The following PLAC1 variants were observed in gnomAD, a reference collection of about 807,000 sequenced individuals.
PLAC1 encodes placenta-specific protein 1.
For synonymous variants in PLAC1, 68 were observed against 62.1 expected (o/e 1.09, Z -0.44); for missense variants, 136 against 163.2 (o/e 0.83, Z 0.91).
intron 1 of PLAC1, among the ~76,000 whole-genome samples, chrX:134,610,901 C>T (rs775452098): frequency 1.8e-5 from 2 of 111,825 alleles, no homozygotes; most frequent in East Asian, 5.6e-4. Context: ...GATCAAGGCT[C>T]ATGCAAACCT....
chrX:134,663,300 T>C (rs2147806839), upstream of PLAC1, among the ~76,000 whole-genome samples: 1 of 113,076 alleles, frequency 8.8e-6, no homozygotes, highest in African/African-American at 3.2e-5. Flanking sequence ...AGGTTGGATA[T>C]GGATACAAGA....
upstream of PLAC1, among the ~76,000 whole-genome samples, chrX:134,661,915 T>C (rs2078417967): frequency 8.9e-6 from 1 of 112,189 alleles, no homozygotes; most frequent in African/African-American, 3.2e-5. Flanking sequence ...AATTAAATTA[T>C]ATAACCTTGC....
chrX:134,752,359 T>C (rs778654221), intron 1 of PLAC1, among the ~76,000 whole-genome samples: 1 of 111,677 alleles, frequency 9.0e-6, no homozygotes, highest in Admixed American at 9.5e-5. Context: ...AGAAGGGCAA[T>C]ATCATGCAAT....
chrX:134,618,938 G>T (rs917227624), intron 1 of PLAC1, among the ~76,000 whole-genome samples: 5 of 112,372 alleles, frequency 4.4e-5, no homozygotes, highest in African/African-American at 1.6e-4. Context: ...CCTTATTTTA[G>T]TCTACAACAA....
chrX:134,582,227 C>G (rs771016124), intron 2 of PLAC1, among the ~76,000 whole-genome samples: 1 of 112,276 alleles, frequency 8.9e-6, no homozygotes. Flanking sequence ...GAGCAAAGAG[C>G]TGATTAAAGA....
intron 2 of PLAC1, among the ~76,000 whole-genome samples, chrX:134,590,350 C>G (rs1483281931): frequency 9.0e-6 from 1 of 111,263 alleles, no homozygotes; most frequent in Non-Finnish European, 1.9e-5. Context: ...CTTCTTTGGA[C>G]CAGTATTGTG....
upstream of PLAC1, among the ~76,000 whole-genome samples, chrX:134,661,639 T>C (rs755943002): frequency 2.1e-4 from 24 of 112,359 alleles, no homozygotes; most frequent in African/African-American, 7.4e-4. Flanking sequence ...GACAGACCTC[T>C]TTTTGAAAAT....
At chrX:134,733,933 G>T (rs939005925) in intron 1 of PLAC1, among the ~76,000 whole-genome samples, 7 of 111,984 alleles carry the variant, frequency 6.3e-5, no homozygotes, top group Non-Finnish European at 1.3e-4. Context: ...TGAACTGCAA[G>T]CTTTAGGACC....
intron 1 of PLAC1, among the ~76,000 whole-genome samples, chrX:134,761,649 G>A (rs2078770277): frequency 8.9e-6 from 1 of 111,980 alleles, no homozygotes; most frequent in Non-Finnish European, 1.9e-5. Context: ...TCAAGGGTAA[G>A]AGGAAAACTG....
At chrX:134,591,709 T>C (rs2078039991) in intron 2 of PLAC1, among the ~76,000 whole-genome samples, 1 of 112,621 alleles carries the variant, frequency 8.9e-6, no homozygotes, top group Non-Finnish European at 1.9e-5. Flanking sequence ...TTTAGTTTTA[T>C]ATGAAACTGC....
intron 2 of PLAC1, among the ~76,000 whole-genome samples, chrX:134,695,111 A>G (rs1005906567): frequency 1.8e-5 from 2 of 111,973 alleles, no homozygotes; most frequent in Non-Finnish European, 3.8e-5. Flanking sequence ...GTTCTCTTGG[A>G]GTCAGGCCCA....
chrX:134,599,009 A>G (rs2078075676), intron 2 of PLAC1, among the ~76,000 whole-genome samples: 1 of 112,047 alleles, frequency 8.9e-6, no homozygotes, highest in East Asian at 2.8e-4. Flanking sequence ...AGCAGCCAAC[A>G]AATGATGTGA....
intron 2 of PLAC1, among the ~76,000 whole-genome samples, chrX:134,685,393 G>A (rs2078512948): frequency 9.1e-6 from 1 of 109,509 alleles, no homozygotes; most frequent in Admixed American, 9.8e-5. Context: ...TGTTGAATAA[G>A]GGGAGGTAAA....
At chrX:134,706,290 C>A (rs2078604415) in intron 2 of PLAC1, among the ~76,000 whole-genome samples, 1 of 112,459 alleles carries the variant, frequency 8.9e-6, no homozygotes, top group Non-Finnish European at 1.9e-5. Context: ...AATCACCTAG[C>A]CAGTGTGGTG....
At chrX:134,705,139 G>A (rs775990032) in intron 2 of PLAC1, among the ~76,000 whole-genome samples, 119 of 104,124 alleles carry the variant, frequency 1.1e-3, no homozygotes, top group African/African-American at 4.0e-3. Context: ...CAAGAGAATC[G>A]GCCAGGCACG....
intron 2 of PLAC1, among the ~76,000 whole-genome samples, chrX:134,573,860 T>C (rs2077922434): frequency 9.0e-6 from 1 of 111,433 alleles, no homozygotes; most frequent in South Asian, 3.8e-4. Context: ...ACTTGGTGCA[T>C]GTGTATAACA....
chrX:134,685,688 G>T (rs2078514621), intron 2 of PLAC1, among the ~76,000 whole-genome samples: 1 of 110,899 alleles, frequency 9.0e-6, no homozygotes, highest in Non-Finnish European at 1.9e-5. Context: ...AATATTTTGT[G>T]CATTTGCTCT....
chrX:134,571,297 T>C (rs1207120404), intron 2 of PLAC1, among the ~76,000 whole-genome samples: 2 of 112,350 alleles, frequency 1.8e-5, no homozygotes, highest in Admixed American at 9.5e-5. Flanking sequence ...TATGTATACA[T>C]GTAACAATGA....
chrX:134,694,311 C>T (rs1304199724), intron 2 of PLAC1, among the ~76,000 whole-genome samples: 1 of 111,570 alleles, frequency 9.0e-6, no homozygotes, highest in Non-Finnish European at 1.9e-5. Flanking sequence ...CCTAAGATAC[C>T]CTCCAAGCTC....
Sources: allele counts gnomAD v4.1 joint callset (sites outside exome capture counted in the v4.1 genomes callset), GRCh38; gene constraint gnomAD v4.1.1; transcripts MANE v1.5; gene names NCBI Gene and HGNC (gene_info 2026-07-23, HGNC 2026-07-21).